PCDHA5: variants seen among roughly 807,000 people sequenced by gnomAD.
PCDHA5 encodes the protein protocadherin alpha-5.
PCDHA5 carries 43 observed loss-of-function variants against 61.6 expected under a neutral mutation model. That is an observed-to-expected ratio of 0.70 (90% CI 0.55 to 0.90). PCDHA5 has a LOEUF of 0.90. PCDHA5 is among the 40% of genes least tolerant of loss of function. PCDHA5 has a pLI of 0.00. For synonymous variants in PCDHA5, 627 were observed against 543.9 expected (o/e 1.15, Z -2.13); for missense variants, 1,298 against 1,222.7 (o/e 1.06, Z -0.92).
At chr5:140,928,790 GGGT>G in intron 1 of PCDHA5, 1 of 1,614,176 alleles carries the variant, frequency 6.2e-7, no homozygotes. Flanking sequence ...GTTAAGCAGA[GGGT>G]GGTGGTAGTG....
intron 1 of PCDHA5, chr5:140,836,195 C>T (rs1554135720): frequency 3.7e-6 from 6 of 1,613,858 alleles, no homozygotes; most frequent in African/African-American, 1.3e-5. Flanking sequence ...CAGGCTACAA[C>T]GCGTGGCTTT....
chr5:140,867,997 T>C (rs2050231431), intron 1 of PCDHA5: 1 of 152,144 alleles, frequency 6.6e-6, no homozygotes. Flanking sequence ...TTCATGAATA[T>C]AACTGAATTA....
Position 140,835,940 on chromosome 5 carries a change from G to A in PCDHA5, c.2352+11813G>A. 6 of 1,612,590 alleles carry A rather than the reference G, an allele frequency of 3.7e-6. No homozygotes were observed. In the South Asian group the frequency reaches 6.6e-5, roughly 18 times the overall value. ...ACGCGGAGAGCGGCAAGGTGTACGCGCTGCAGCCGTTGGACCACGAGGAGC... is the reference window on the plus strand; with the variant it reads ...ACGCGGAGAGCGGCAAGGTGTACGCACTGCAGCCGTTGGACCACGAGGAGC... On this transcript the variant is annotated intron_variant, in intron 1 of 3. Transcript: ENST00000529859.
chr5:140,823,338 G>C lies in PCDHA5; in HGVS notation c.1563G>C (p.Pro521=), dbSNP rs149205606. The C allele has an allele frequency of 1.8e-5, 29 of 1,612,112 alleles. No individual in the cohort carries two copies. The highest frequency in any genetic ancestry group is 2.4e-5 in the Non-Finnish European group (28 of 1,179,770). The part of the protein sequence containing the change: ...AESGKVYALQ[P]LDHEEVELLQ... ...GCGGCAAGGTGTACGCGCTGCAGCC[G>C]CTGGACCACGAGGAAGTGGAGCTGC... The change falls in exon 1 of 4, where the codon CCG becomes CCC. Residue 521 remains proline (P), a synonymous_variant. Transcript: ENST00000529859.
At chr5:140,875,644 G>A in intron 1 of PCDHA5, 1 of 1,613,736 alleles carries the variant, frequency 6.2e-7, no homozygotes, top group Non-Finnish European at 8.5e-7. Flanking sequence ...GGAGCTGGCG[G>A]AGCTGGTGCC....
At chr5:140,885,910 T>C (rs55634134) in intron 1 of PCDHA5, among the ~76,000 whole-genome samples, 4,308 of 152,302 alleles carry the variant, frequency 0.028, 189 homozygotes, top group African/African-American at 0.098. Context: ...CTGTACCTTA[T>C]AGATATTAAC....
At chr5:140,975,634 A>G (rs1457671890) in intron 1 of PCDHA5, among the ~76,000 whole-genome samples, 4 of 152,244 alleles carry the variant, frequency 2.6e-5, no homozygotes, top group African/African-American at 9.6e-5. Context: ...TGGTACGAAG[A>G]TAGCATATTA....
intron 1 of PCDHA5, among the ~76,000 whole-genome samples, chr5:140,917,197 C>T (rs928492760): frequency 2.6e-5 from 4 of 152,236 alleles, no homozygotes; most frequent in African/African-American, 7.2e-5. Flanking sequence ...TCTCTCCAAC[C>T]CTCTTCAATG....
intron 1 of PCDHA5, chr5:140,929,668 A>G (rs1554207270): frequency 3.1e-6 from 1 of 324,518 alleles, no homozygotes; most frequent in East Asian, 5.3e-5. Flanking sequence ...AAAGTGAAGA[A>G]TGAAAAATAT....
In PCDHA5 at chr5:140,822,644, C is replaced by A. The variant is rs1183246252; in HGVS notation, c.869C>A (p.Ser290Tyr). Residue 290 changes from serine (S) to tyrosine (Y), a missense_variant, in exon 1 of 4, where the codon TCC (serine) becomes TAC (tyrosine). Ser to Tyr is a moderately radical substitution (Grantham distance 144, BLOSUM62 -2). Transcript: ENST00000529859. ...FSNLVLDDVK[S>Y]KFIINSNTGE... ...AATCTTGTTCTTGACGATGTAAAGTCCAAATTTATAATTAATTCTAATACT... is the reference window on the plus strand; with the variant it reads ...AATCTTGTTCTTGACGATGTAAAGTACAAATTTATAATTAATTCTAATACT... 5 of 1,610,170 alleles carry A rather than the reference C, an allele frequency of 3.1e-6. No individual in the cohort carries two copies. The highest frequency in any genetic ancestry group is 4.2e-6 in the Non-Finnish European group (5 of 1,177,610).
At chr5:140,968,228 C>T in intron 1 of PCDHA5, 1 of 1,614,010 alleles carries the variant, frequency 6.2e-7, no homozygotes, top group East Asian at 2.2e-5. Flanking sequence ...AGGTGTGTTG[C>T]TCTGTACTGT....
chr5:140,947,188 T>C (rs2153678869), intron 1 of PCDHA5, among the ~76,000 whole-genome samples: 1 of 151,448 alleles, frequency 6.6e-6, no homozygotes, highest in South Asian at 2.1e-4. Context: ...CATGGTATAC[T>C]ACACAGCCTT....
At position 141,010,190 on chromosome 5, in the gene PCDHA5, CCTTT is replaced by C. The variant is rs763940360; in HGVS notation, c.*256_*259del. On this transcript the variant is annotated 3_prime_UTR_variant, in exon 4 of 4. Coordinates refer to ENST00000529859, the MANE Select transcript of PCDHA5 (RefSeq NM_018908.3). ...GAACCTAAAAAGCAGACCCAAGTTT[CCTTT>C]CTCCTCCGCCGCAAAGGAGAGGCTT... 6.4e-7 allele frequency: 1 copy of C among 1,552,504 alleles called. No individual in the cohort carries two copies. Among genetic ancestry groups the C allele is most frequent in the Non-Finnish European group, 8.7e-7 (1 of 1,147,234 alleles).
rs527413028 is a variant in PCDHA5, at chr5:140,920,520, G to A, written c.2353-58429G>A. Among the ~76,000 whole-genome samples, 10 of 152,176 alleles carry A rather than the reference G, an allele frequency of 6.6e-5. No homozygotes were observed. In the South Asian group the frequency reaches 1.7e-3, roughly 25 times the overall value. ...TTCTACATACTGTTTTATGCAATTCGTTAGACTCAGGTTTTCTATTTCACC... is the reference window on the plus strand; with the variant it reads ...TTCTACATACTGTTTTATGCAATTCATTAGACTCAGGTTTTCTATTTCACC... On this transcript the variant is annotated intron_variant, in intron 1 of 3. Transcript: ENST00000529859.
At chr5:140,912,914 T>C (rs141956430) in intron 1 of PCDHA5, among the ~76,000 whole-genome samples, 326 of 152,372 alleles carry the variant, frequency 2.1e-3, no homozygotes, top group African/African-American at 7.4e-3. Context: ...ATTGATTGAT[T>C]TGTGTATGTT....
intron 3 of PCDHA5, among the ~76,000 whole-genome samples, chr5:140,986,653 A>T (rs61089397): frequency 0.012 from 1,845 of 152,236 alleles, 43 homozygotes; most frequent in African/African-American, 0.043. Context: ...AGAGTGGGAG[A>T]TGCTCACAGT....
At chr5:140,978,805 T>G in intron 1 of PCDHA5, 144 bp from the exon 2 acceptor site, 4 of 1,492,524 alleles carry the variant, frequency 2.7e-6, no homozygotes, top group Non-Finnish European at 3.6e-6. Flanking sequence ...GTAGATATCA[T>G]CATAGAGTTA....
At chr5:140,856,077 T>A in intron 1 of PCDHA5, 1 of 1,593,712 alleles carries the variant, frequency 6.3e-7, no homozygotes, top group South Asian at 1.1e-5. Flanking sequence ...TGCCTGGGGG[T>A]CCAGTGTCTG....
In PCDHA5 at chr5:140,877,704, C is replaced by T. The variant is rs116613760; in HGVS notation, c.2352+53577C>T. 1.6e-3 allele frequency: 2,639 copies of T among 1,613,952 alleles called. 39 individuals are homozygous for T. The African/African-American group carries it at 0.027, about 17-fold the overall frequency. On this transcript the variant is annotated intron_variant, in intron 1 of 3. Coordinates refer to ENST00000529859, the MANE Select transcript of PCDHA5 (RefSeq NM_018908.3). ...AGCCCACGCTGGTGTGCTCCAGCGC[C>T]GTGGGGAGTTGGTCTTACTCGCAGC...
Sources: gnomAD v4.1 joint callset for allele counts (sites outside exome capture counted in the v4.1 genomes callset) on GRCh38, gnomAD v4.1.1 for gene constraint, MANE v1.5 for transcripts, NCBI Gene and HGNC (gene_info 2026-07-23, HGNC 2026-07-21) for gene names.